The following SLC25A48 variants were observed in gnomAD, a reference collection of about 807,000 sequenced individuals.
SLC25A48 encodes solute carrier family 25 member 48.
A neutral mutation model predicts 32.2 loss-of-function variants in SLC25A48; 29 were observed. That is an observed-to-expected ratio of 0.90 (90% CI 0.67 to 1.23). The LOEUF (loss-of-function observed/expected upper bound fraction) is 1.23, where lower values mean the gene tolerates loss of function less well. SLC25A48 is among the 50% of genes most tolerant of loss of function. SLC25A48 has a pLI of 0.00. For synonymous variants in SLC25A48, 164 were observed against 172.3 expected, an observed-to-expected ratio of 0.95 and a Z score of 0.38; for missense variants, 399 against 422.7, an observed-to-expected ratio of 0.94 and a Z score of 0.49.
intron 4 of SLC25A48, among the ~76,000 whole-genome samples, chr5:135,857,534 CAAGA>C: frequency 6.6e-6 from 1 of 152,248 alleles, no homozygotes; most frequent in Non-Finnish European, 1.5e-5. Context: ...CACGTATCTC[CAAGA>C]TGATAGTTAT....
chr5:135,861,134 A>T (rs1313550366), intron 4 of SLC25A48, among the ~76,000 whole-genome samples: 1 of 152,352 alleles, frequency 6.6e-6, no homozygotes, highest in Non-Finnish European at 1.5e-5. Context: ...TCCATTCTGT[A>T]TACATAGATT....
intron 4 of SLC25A48, among the ~76,000 whole-genome samples, chr5:135,823,339 C>T (rs1390282755): frequency 6.6e-6 from 1 of 152,178 alleles, no homozygotes; most frequent in Admixed American, 6.5e-5. Context: ...CTTTTCACTA[C>T]CTGGCACTCT....
At chr5:135,865,666 C>A (rs1483398451) in intron 4 of SLC25A48, among the ~76,000 whole-genome samples, 1 of 152,050 alleles carries the variant, frequency 6.6e-6, no homozygotes, top group Non-Finnish European at 1.5e-5. Flanking sequence ...TTCCTGTCAT[C>A]AGGAAACTCA....
chr5:135,610,054 T>A (rs936808791), intron 1 of SLC25A48, among the ~76,000 whole-genome samples: 4 of 152,130 alleles, frequency 2.6e-5, no homozygotes, highest in African/African-American at 9.7e-5. Flanking sequence ...GCAAGACAGG[T>A]ATATGGGAAC....
intron 3 of SLC25A48, among the ~76,000 whole-genome samples, chr5:135,670,231 G>A (rs960903336): frequency 6.6e-6 from 1 of 152,184 alleles, no homozygotes; most frequent in African/African-American, 2.4e-5. Flanking sequence ...TGAAAAGGGA[G>A]TATCAAGCAG....
At chr5:135,650,442 C>A (rs780375604) in intron 3 of SLC25A48, 1 of 456,106 alleles carries the variant, frequency 2.2e-6, no homozygotes, top group South Asian at 1.5e-5. Flanking sequence ...AGCCTCCAGA[C>A]ACAGTGAGTT....
upstream of SLC25A48, among the ~76,000 whole-genome samples, chr5:135,832,030 G>A (rs1561514796): frequency 6.6e-6 from 1 of 152,166 alleles, no homozygotes; most frequent in Non-Finnish European, 1.5e-5. Flanking sequence ...GGCATCCAAG[G>A]TTCTGTTTTG....
At chr5:135,664,818 C>T (rs527736733) in intron 3 of SLC25A48, among the ~76,000 whole-genome samples, 3 of 152,148 alleles carry the variant, frequency 2.0e-5, no homozygotes, top group Non-Finnish European at 4.4e-5. Context: ...TTAATCCACT[C>T]ATTGGTCGAT....
intron 3 of SLC25A48, among the ~76,000 whole-genome samples, chr5:135,737,485 C>T (rs1755402941): frequency 6.6e-6 from 1 of 152,174 alleles, no homozygotes; most frequent in Non-Finnish European, 1.5e-5. Context: ...AGAGACCTGA[C>T]ATGGAGGACA....
chr5:135,761,560 C>T (rs1756060815), intron 3 of SLC25A48, among the ~76,000 whole-genome samples: 1 of 152,052 alleles, frequency 6.6e-6, no homozygotes, highest in Non-Finnish European at 1.5e-5. Context: ...GTAACCATTA[C>T]TGAAAATGTT....
At chr5:135,646,629 A>G (rs1427252368) in intron 3 of SLC25A48, among the ~76,000 whole-genome samples, 1 of 142,972 alleles carries the variant, frequency 7.0e-6, no homozygotes, top group Non-Finnish European at 1.5e-5. Flanking sequence ...ATTTATGTAT[A>G]TATATACGCA....
intron 3 of SLC25A48, among the ~76,000 whole-genome samples, chr5:135,721,861 G>T (rs1360872215): frequency 1.3e-5 from 2 of 152,222 alleles, no homozygotes; most frequent in African/African-American, 4.8e-5. Context: ...GCCCAAGAAG[G>T]ATGGGGTTGT....
At chr5:135,857,347 CCTCCAAGCAGGGT>C (rs1469253990) in intron 4 of SLC25A48, among the ~76,000 whole-genome samples, 2 of 152,176 alleles carry the variant, frequency 1.3e-5, no homozygotes, top group Non-Finnish European at 2.9e-5. Flanking sequence ...CCAAGCATGG[CCTCCAAGCAGGGT>C]GCACAGCTCC....
intron 1 of SLC25A48, among the ~76,000 whole-genome samples, chr5:135,623,495 C>A (rs1244041952): frequency 1.3e-5 from 2 of 152,176 alleles, no homozygotes; most frequent in East Asian, 3.9e-4. Context: ...GTGGAAGGCT[C>A]AGGGGTGTTG....
chr5:135,794,239 A>AG (rs543625871), intron 3 of SLC25A48, among the ~76,000 whole-genome samples: 98 of 151,216 alleles, frequency 6.5e-4, no homozygotes, highest in East Asian at 2.0e-3. Flanking sequence ...TCTAATATCT[A>AG]GGGGGGGAGT....
At chr5:135,619,027 G>A (rs1201128557) in intron 1 of SLC25A48, among the ~76,000 whole-genome samples, 1 of 151,866 alleles carries the variant, frequency 6.6e-6, no homozygotes, top group Non-Finnish European at 1.5e-5. Flanking sequence ...GTATCTGGAT[G>A]ACTAAATCTC....
chr5:135,861,793 A>G (rs1281352929), intron 4 of SLC25A48, among the ~76,000 whole-genome samples: 1 of 152,232 alleles, frequency 6.6e-6, no homozygotes, highest in African/African-American at 2.4e-5. Context: ...TTCTTGGTAC[A>G]TATTGTGAAA....
chr5:135,798,399 C>T (rs1021419566), intron 3 of SLC25A48, among the ~76,000 whole-genome samples: 3 of 151,634 alleles, frequency 2.0e-5, no homozygotes, highest in Non-Finnish European at 4.4e-5. Flanking sequence ...GATTGTACAA[C>T]CCTCTTGTGA....
intron 3 of SLC25A48, among the ~76,000 whole-genome samples, chr5:135,732,092 C>G (rs201811800): frequency 1.4e-5 from 2 of 144,490 alleles, no homozygotes; most frequent in Non-Finnish European, 3.1e-5. Flanking sequence ...AGGACAGGCC[C>G]GAATTTTGAG....
Sources: allele counts gnomAD v4.1 joint callset (sites outside exome capture counted in the v4.1 genomes callset), GRCh38; gene constraint gnomAD v4.1.1; transcripts MANE v1.5; gene names NCBI Gene and HGNC (gene_info 2026-07-23, HGNC 2026-07-21).